Variants in PDK4 observed in about 807,000 individuals in gnomAD.
The protein encoded by PDK4 is pyruvate dehydrogenase kinase, isozyme 4.
PDK4 carries 43 observed loss-of-function variants against 51.7 expected under a neutral mutation model. That is an observed-to-expected ratio of 0.83 (90% CI 0.65 to 1.07). The LOEUF (loss-of-function observed/expected upper bound fraction) is 1.07. Ranked by LOEUF, PDK4 falls within the 50% of genes least tolerant of loss-of-function variation. The pLI, the probability that PDK4 is intolerant of heterozygous loss-of-function variation, is 0.00. For synonymous variants in PDK4, 170 were observed against 176.6 expected (o/e 0.96, Z 0.30); for missense variants, 498 against 503.5 (o/e 0.99, Z 0.10).
rs144421605 is a variant in PDK4 at position 95,583,855 on chromosome 7, T to C, written c.*1786A>G. On this transcript the variant is annotated 3_prime_UTR_variant, in exon 11 of 11. Transcript: ENST00000005178. ...TTTAGCTCAAATTTCAGTAAAAAAC[T>C]GAAATGACAAATAACCTACTGCAAA... The C allele has an allele frequency of 6.5e-6, 1 of 152,672 alleles. No individual in the cohort carries two copies. The highest frequency in any genetic ancestry group is 2.4e-5 in the African/African-American group (1 of 41,570). The allele number at this position is 152,672 out of a possible 1,614,324, so 9.5% of individuals were successfully genotyped here.
rs2116722963 is a variant in PDK4, at chr7:95,596,505, A to C, written c.-212T>G. 2.0e-6 allele frequency: 1 copy of C among 505,812 alleles called. No homozygotes were observed. The highest frequency in any genetic ancestry group is 2.0e-5 in the African/African-American group (1 of 48,984). 31.3% of individuals were successfully genotyped at this position (505,812 alleles called of 1,614,324 possible). ...CGGAGATGCAGTGGTTCGAGATTCA[A>C]GTTCAAGTCTTCCCACCAGCCGCCG... On this transcript the variant is annotated 5_prime_UTR_variant, in exon 1 of 11. Transcript: ENST00000005178.
chr7:95,589,649 T>C lies in PDK4; in HGVS notation c.762A>G (p.Glu254=). ...TTGTGAAGTATCATACCTTAAATAG[T>C]TCAAAGAGCATATGATGGAGGTGAG... ...VPSHLHHMLF[E]LFKNAMRATV... The change falls in exon 7 of 11, where the codon GAA becomes GAG. Residue 254 remains glutamate, a synonymous_variant. Coordinates refer to ENST00000005178, the MANE Select transcript of PDK4 (RefSeq NM_002612.4). The C allele has an allele frequency of 6.5e-7, 1 of 1,541,668 alleles. No homozygotes were observed. Among genetic ancestry groups the C allele is most frequent in the East Asian group, 2.3e-5 (1 of 44,394 alleles).
rs183477218 is a variant in PDK4 at position 95,590,212 on chromosome 7, G to A, written c.695-496C>T. Among the ~76,000 whole-genome samples the A allele has an allele frequency of 4.6e-5, 7 of 152,238 alleles. No individual in the cohort carries two copies. In the East Asian group the frequency reaches 1.3e-3, roughly 29 times the overall value. On this transcript the variant is annotated intron_variant, in intron 6 of 10. Coordinates refer to ENST00000005178, the MANE Select transcript of PDK4 (RefSeq NM_002612.4). ...AGAGTCAAAATTTTATGTATTTTAA[G>A]ACAGAAGGGAGAAAACTGTGCTTAT...
At position 95,590,909 on chromosome 7, in the gene PDK4, G is replaced by C. The variant is rs190415995; in HGVS notation, c.694+1079C>G. ...TCACTTCAGTCATTCAGACAGTATG[G>C]GAAGACCTTGTCAGAATTGAAATTT... On this transcript the variant is annotated intron_variant, in intron 6 of 10. Coordinates refer to ENST00000005178, the MANE Select transcript of PDK4 (RefSeq NM_002612.4). 6.4e-3 allele frequency among the ~76,000 whole-genome samples: 980 copies of C among 152,174 alleles called. 17 individuals carry two copies. Among genetic ancestry groups the C allele is most frequent in the South Asian group, 0.052 (252 of 4,806 alleles).
chr7:95,586,384 G>A (rs922227058), intron 10 of PDK4, among the ~76,000 whole-genome samples: 2 of 151,924 alleles, frequency 1.3e-5, no homozygotes, highest in Admixed American at 6.6e-5. Context: ...TAGTAGAGAC[G>A]GGGTTTCACT....
chr7:95,595,698 A>G (rs1791610304), intron 1 of PDK4, among the ~76,000 whole-genome samples: 1 of 152,210 alleles, frequency 6.6e-6, no homozygotes. Context: ...TGATAAAGAG[A>G]CAAAGAAATC....
At chr7:95,594,234 G>T (rs576965441) in intron 2 of PDK4, among the ~76,000 whole-genome samples, 2 of 152,174 alleles carry the variant, frequency 1.3e-5, no homozygotes, top group Admixed American at 6.5e-5. Flanking sequence ...ATGAACAAAA[G>T]GCTGTGCAGT....
intron 9 of PDK4, 29 bp from the exon 10 acceptor site, chr7:95,587,152 G>GAAGT: frequency 7.7e-7 from 1 of 1,292,218 alleles, no homozygotes; most frequent in Non-Finnish European, 1.1e-6. Flanking sequence ...ATCAGGTAAA[G>GAAGT]AAGTGTATGT....
At chr7:95,585,960 T>C (rs2073978) in intron 10 of PDK4, among the ~76,000 whole-genome samples, 179 bp from the exon 11 acceptor site, 65,185 of 152,032 alleles carry the variant, frequency 0.43, 14,897 homozygotes, top group East Asian at 0.83. Context: ...GGCTCTTTCT[T>C]AATAGTTTGA....
chr7:95,594,430 GTT>G (rs11308239), intron 2 of PDK4, among the ~76,000 whole-genome samples: 2 of 149,612 alleles, frequency 1.3e-5, no homozygotes, highest in African/African-American at 2.5e-5. Context: ...GTCCTAAGTG[GTT>G]TTTTTTTTCT....
At chr7:95,591,739 G>T (rs1791554787) in intron 6 of PDK4, among the ~76,000 whole-genome samples, 1 of 152,106 alleles carries the variant, frequency 6.6e-6, no homozygotes, top group African/African-American at 2.4e-5. Context: ...GAATATAGTT[G>T]CTACTTTAAT....
Position 95,595,022 on chromosome 7 carries a change from C to G in PDK4, c.272+1G>C. 6.2e-7 allele frequency: 1 copy of G among 1,606,364 alleles called. No individual in the cohort carries two copies. The highest frequency in any genetic ancestry group is 1.1e-5 in the South Asian group (1 of 89,798). On this transcript the variant is annotated splice_donor_variant, in intron 2 of 10. Coordinates refer to ENST00000005178, the MANE Select transcript of PDK4 (RefSeq NM_002612.4). LOFTEE classifies it high-confidence loss of function. ...AGACTTCAATATGGTTCACCACTTACCAGCTTTTAACCAATTGCACTGAAG... is the reference window on the plus strand; with the variant it reads ...AGACTTCAATATGGTTCACCACTTAGCAGCTTTTAACCAATTGCACTGAAG...
In PDK4 at chr7:95,596,085, G is replaced by T; in HGVS notation, c.130+79C>A. The T allele has an allele frequency of 2.1e-6, 3 of 1,433,432 alleles. No homozygotes were observed. The African/African-American group carries it at 4.5e-5, about 22-fold the overall frequency. The allele number at this position is 1,433,432 out of a possible 1,614,324, so 88.8% of individuals were successfully genotyped here. ...CCCCAGTTGTTTTAGCTTGAGCCTA[G>T]CCCTCCCTCTACCAAGGCTGAAAGT... On this transcript the variant is annotated intron_variant, in intron 1 of 10. Coordinates refer to ENST00000005178, the MANE Select transcript of PDK4 (RefSeq NM_002612.4).
Position 95,593,693 on chromosome 7 carries a change from G to T in PDK4, c.344+6C>A. On this transcript the variant is annotated splice_donor_region_variant and intron_variant, in intron 3 of 10. Transcript: ENST00000005178. ...TTAAACACTTATTCTAATGCATAGA[G>T]CTTACTCTGATAATGCTTTCTGGTC... 7.1e-7 allele frequency: 1 copy of T among 1,409,234 alleles called. No individual in the cohort carries two copies. 87.3% of individuals were successfully genotyped at this position (1,409,234 alleles called of 1,614,324 possible). A position where few individuals can be genotyped will look rare whatever the true frequency, so the allele number is the denominator to read the frequency against.
intron 8 of PDK4, 47 bp downstream of exon 8, chr7:95,587,680 T>C: frequency 7.5e-7 from 1 of 1,339,744 alleles, no homozygotes; most frequent in African/African-American, 1.4e-5. Flanking sequence ...ATTGACCCTA[T>C]TTAATTCTCT....
chr7:95,586,202 T>TTTTTG (rs1319977230), intron 10 of PDK4, among the ~76,000 whole-genome samples: 1 of 146,672 alleles, frequency 6.8e-6, no homozygotes, highest in Non-Finnish European at 1.5e-5. Flanking sequence ...AGGTTTTTTT[T>TTTTTG]TTTTTTTTTT....
At chr7:95,589,891 T>C (rs1652071207) in intron 6 of PDK4, among the ~76,000 whole-genome samples, 175 bp from the exon 7 acceptor site, 1 of 152,224 alleles carries the variant, frequency 6.6e-6, no homozygotes, top group Non-Finnish European at 1.5e-5. Flanking sequence ...TACTGGCTTA[T>C]ATTCAAAATG....
intron 8 of PDK4, 46 bp from the exon 9 acceptor site, chr7:95,587,574 G>T: frequency 7.6e-7 from 1 of 1,324,440 alleles, no homozygotes; most frequent in Non-Finnish European, 1.1e-6. Flanking sequence ...TAAAAACAAT[G>T]TGCATTTGTC....
chr7:95,588,760 T>C (rs1402432005), intron 7 of PDK4, among the ~76,000 whole-genome samples: 2 of 152,190 alleles, frequency 1.3e-5, no homozygotes, highest in Admixed American at 1.3e-4. Context: ...GCTTAAGGTG[T>C]TTTTCTATTT....
Sources: gnomAD v4.1 joint callset for allele counts (sites outside exome capture counted in the v4.1 genomes callset) on GRCh38, gnomAD v4.1.1 for gene constraint, MANE v1.5 for transcripts, NCBI Gene and HGNC (gene_info 2026-07-23, HGNC 2026-07-21) for gene names.